Variants in RANBP10 observed in about 807,000 individuals in gnomAD.
RANBP10 encodes the protein ran-binding protein 10.
RANBP10 carries 24 observed loss-of-function variants against 72.8 expected under a neutral mutation model. The observed-to-expected ratio is 0.33, with a 90% confidence interval of 0.24 to 0.46. The LOEUF (loss-of-function observed/expected upper bound fraction) is 0.46. RANBP10 is among the 20% of genes least tolerant of loss of function. The pLI, the probability that RANBP10 is intolerant of heterozygous loss-of-function variation, is 1.00. For missense variants in RANBP10, 679 were observed against 817.5 expected (o/e 0.83, Z 2.07); for synonymous variants, 310 against 322.3 (o/e 0.96, Z 0.41).
At chr16:67,777,598 TA>T (rs1462787982) in intron 2 of RANBP10, among the ~76,000 whole-genome samples, 1 of 151,882 alleles carries the variant, frequency 6.6e-6, no homozygotes, top group African/African-American at 2.4e-5. Flanking sequence ...CTAAAAACTA[TA>T]AAATGTTGAT....
At chr16:67,726,621 C>T in intron 13 of RANBP10, 63 bp from the exon 14 acceptor site, 1 of 1,498,114 alleles carries the variant, frequency 6.7e-7, no homozygotes, top group East Asian at 2.5e-5. Context: ...GGTCAAAGTT[C>T]CCTTGGGGGT....
chr16:67,739,749 C>A (rs8054034), intron 4 of RANBP10: 20,816 of 152,070 alleles, frequency 0.14, 2,836 homozygotes, highest in African/African-American at 0.36. Flanking sequence ...AGCTTGGGTG[C>A]CAGAGCAAGA....
intron 3 of RANBP10, among the ~76,000 whole-genome samples, chr16:67,766,396 T>C (rs145315088): frequency 6.7e-4 from 102 of 152,128 alleles, no homozygotes; most frequent in African/African-American, 2.2e-3. Flanking sequence ...CCCCTCCAAA[T>C]CTCCTGTTGA....
chr16:67,738,693 CT>C (rs1423340525), intron 4 of RANBP10: 1 of 152,340 alleles, frequency 6.6e-6, no homozygotes, highest in Non-Finnish European at 1.5e-5. Context: ...ACCTTGTGGT[CT>C]GCCCACCTCA....
chr16:67,729,180 G>T lies in RANBP10; in HGVS notation c.1352+100C>A. 2.0e-6 allele frequency: 3 copies of T among 1,537,426 alleles called. No homozygotes were observed. In the East Asian group the frequency reaches 6.8e-5, roughly 35 times the overall value. Reference sequence around the variant, plus strand: ...GGACTCCAGGCACAGACCTGAGATGGAGGCTGGGGGTGAAGGGCAGGGCGC... The same window carrying T: ...GGACTCCAGGCACAGACCTGAGATGTAGGCTGGGGGTGAAGGGCAGGGCGC... On this transcript the variant is annotated intron_variant, in intron 10 of 13. Transcript: ENST00000317506. This position sits in a 1 kb window ranked among gnomAD's most constrained non-coding sequence, Gnocchi z 7.1.
At chr16:67,752,596 T>C (rs2054216997) in intron 3 of RANBP10, among the ~76,000 whole-genome samples, 2 of 152,258 alleles carry the variant, frequency 1.3e-5, no homozygotes, top group Admixed American at 6.5e-5. Context: ...TCAATATTTT[T>C]TTCCAGACAC....
chr16:67,784,925 A>T (rs2054884844), intron 2 of RANBP10, among the ~76,000 whole-genome samples: 1 of 151,066 alleles, frequency 6.6e-6, no homozygotes, highest in Non-Finnish European at 1.5e-5. Context: ...AAAAAAAAAA[A>T]TAGGCTGGGT....
intron 2 of RANBP10, among the ~76,000 whole-genome samples, chr16:67,804,314 A>T (rs1324774139): frequency 6.6e-6 from 1 of 152,102 alleles, no homozygotes; most frequent in Non-Finnish European, 1.5e-5. Flanking sequence ...GGAGACTGGG[A>T]GAAAGAAAAA....
chr16:67,754,743 A>G (rs1457068375), intron 3 of RANBP10, among the ~76,000 whole-genome samples: 5 of 152,232 alleles, frequency 3.3e-5, no homozygotes, highest in Admixed American at 3.3e-4. Context: ...CAGGAAAGCC[A>G]GTGGGGCTGA....
At chr16:67,765,199 CAAAAAAAAAAAAAAAA>C (rs569942198) in intron 3 of RANBP10, among the ~76,000 whole-genome samples, 3 of 11,642 alleles carry the variant, frequency 2.6e-4, no homozygotes, top group East Asian at 5.4e-3. Context: ...GACTCCATCT[CAAAAAAAAAAAAAAAA>C]AAAAAAAAAA....
rs919570838 is a variant in RANBP10, at chr16:67,730,969, G to C, written c.889+503C>G. On this transcript the variant is annotated intron_variant, in intron 7 of 13. Coordinates refer to ENST00000317506, the MANE Select transcript of RANBP10 (RefSeq NM_020850.3). The surrounding 1 kb of genome is among the most constrained non-coding windows in gnomAD (Gnocchi z 4.3). ...CACTGGGAGAGCTCTGGCCAAGGGA[G>C]GACTTTAGGTTGTCTGCAAAGGGCA... 6.4e-6 allele frequency: 1 copy of C among 156,210 alleles called. No homozygotes were observed. Among genetic ancestry groups the C allele is most frequent in the South Asian group, 1.9e-4 (1 of 5,188 alleles). The allele number at this position is 156,210 out of a possible 1,614,324, so 9.7% of individuals were successfully genotyped here.
chr16:67,792,487 G>A (rs2143019039), intron 2 of RANBP10, among the ~76,000 whole-genome samples: 1 of 151,980 alleles, frequency 6.6e-6, no homozygotes, highest in East Asian at 1.9e-4. Flanking sequence ...GCATGAACCT[G>A]GGAGGCAGAG....
At chr16:67,767,317 C>T (rs903070921) in intron 3 of RANBP10, among the ~76,000 whole-genome samples, 5 of 152,020 alleles carry the variant, frequency 3.3e-5, no homozygotes, top group African/African-American at 1.2e-4. Flanking sequence ...ACTAGGCAGG[C>T]ATGGTGGTAT....
chr16:67,733,002 C>G (rs1034335713), intron 6 of RANBP10, among the ~76,000 whole-genome samples: 1 of 141,884 alleles, frequency 7.0e-6, no homozygotes, highest in South Asian at 2.2e-4. Context: ...TGCAGTGAGC[C>G]GAGATTGCGC....
intron 5 of RANBP10, among the ~76,000 whole-genome samples, chr16:67,736,452 C>T (rs985616970): frequency 7.9e-5 from 12 of 152,232 alleles, no homozygotes; most frequent in African/African-American, 2.9e-4. Flanking sequence ...TGAGCCAGCG[C>T]GCCTGGCCAA....
chr16:67,783,622 G>A (rs1050235711), intron 2 of RANBP10, among the ~76,000 whole-genome samples: 2 of 152,172 alleles, frequency 1.3e-5, no homozygotes, highest in Admixed American at 1.3e-4. Context: ...AGGCTCCTAA[G>A]CTCCTTCCCA....
chr16:67,782,519 T>C (rs2054831616), intron 2 of RANBP10, among the ~76,000 whole-genome samples: 1 of 147,960 alleles, frequency 6.8e-6, no homozygotes, highest in South Asian at 2.2e-4. Context: ...TGCCGCGATC[T>C]TGGCTCACTG....
chr16:67,742,063 CTAAG>C (rs1490574207), intron 4 of RANBP10, among the ~76,000 whole-genome samples: 3 of 151,452 alleles, frequency 2.0e-5, no homozygotes, highest in Non-Finnish European at 4.4e-5. Flanking sequence ...GCTTCAGGAA[CTAAG>C]TGATTCTTTT....
intron 2 of RANBP10, among the ~76,000 whole-genome samples, chr16:67,797,891 CAG>C (rs2055161514): frequency 1.3e-5 from 2 of 149,376 alleles, no homozygotes; most frequent in South Asian, 4.2e-4. Context: ...TCAAGAGTCT[CAG>C]GTAGGAAGAT....
Sources: gnomAD v4.1 joint callset for allele counts (sites outside exome capture counted in the v4.1 genomes callset) on GRCh38, gnomAD v4.1.1 for gene constraint, Gnocchi (gnomAD v3.1) non-coding constraint, MANE v1.5 for transcripts, NCBI Gene and HGNC (gene_info 2026-07-23, HGNC 2026-07-21) for gene names.